TOGARAM1: variants seen among roughly 807,000 people sequenced by gnomAD.
The protein encoded by TOGARAM1 is TOG array regulator of axonemal microtubules 1, also known as TOG array regulator of axonemal microtubules protein 1.
In TOGARAM1, 100 loss-of-function variants were observed where a neutral mutation model predicts 166.6. The ratio of observed to expected loss-of-function variants is 0.60; its 90% CI spans 0.51 to 0.71. The LOEUF (loss-of-function observed/expected upper bound fraction) is 0.71. TOGARAM1 is among the 30% of genes least tolerant of loss of function. The pLI, the probability that TOGARAM1 is intolerant of heterozygous loss-of-function variation, is 0.00. For missense variants in TOGARAM1, 2,029 were observed against 2,102.7 expected (o/e 0.96, Z 0.69); for synonymous variants, 758 against 763.8 (o/e 0.99, Z 0.13).
chr14:45,023,627 C>T (rs1457430833), intron 7 of TOGARAM1, among the ~76,000 whole-genome samples: 1 of 152,170 alleles, frequency 6.6e-6, no homozygotes, highest in Non-Finnish European at 1.5e-5. Context: ...GTGTAAGGAC[C>T]CCTAGAGCTA....
At chr14:45,066,848 G>C (rs1317039146) in intron 17 of TOGARAM1, 81 bp downstream of exon 17, 5 of 1,209,622 alleles carry the variant, frequency 4.1e-6, no homozygotes, top group Non-Finnish European at 5.8e-6. Flanking sequence ...AGCCAAGGTA[G>C]AAGGATCTCT....
At chr14:45,061,698 T>C (rs1050864124) in intron 16 of TOGARAM1, among the ~76,000 whole-genome samples, 9 of 151,746 alleles carry the variant, frequency 5.9e-5, no homozygotes, top group African/African-American at 2.2e-4. Flanking sequence ...TAACTTGTAT[T>C]CCTTGGATTA....
At position 44,963,985 on chromosome 14, in the gene TOGARAM1, A is replaced by T. The variant is rs1381744720; in HGVS notation, c.1564A>T (p.Ser522Cys). ...TGATCTTGCCCCAGCTCTTGTAGATAGCAAACGCAGGGTACGCCAAGCAGC... is the reference window on the plus strand; with the variant it reads ...TGATCTTGCCCCAGCTCTTGTAGATTGCAAACGCAGGGTACGCCAAGCAGC... ...SFDLAPALVD[S>C]KRRVRQAALE... The change falls in exon 1 of 20, where the codon AGC becomes TGC. Residue 522 changes from serine (S) to cysteine (C), a missense_variant. Around this residue, in one of 2 missense-constraint regions of TOGARAM1, gnomAD observed 1,453 missense variants for 1,432.2 expected, o/e 1.01. Transcript: ENST00000361462. 1 of 1,614,234 alleles carries T rather than the reference A, an allele frequency of 6.2e-7. No homozygotes were observed. Among genetic ancestry groups the T allele is most frequent in the Non-Finnish European group, 8.5e-7 (1 of 1,180,048 alleles).
At chr14:44,977,501 G>T (rs1290951834) in intron 1 of TOGARAM1, among the ~76,000 whole-genome samples, 1 of 152,086 alleles carries the variant, frequency 6.6e-6, no homozygotes. Flanking sequence ...CACCCAAAGT[G>T]CTGGGATTAC....
chr14:45,069,648 A>G (rs893046219), intron 18 of TOGARAM1, among the ~76,000 whole-genome samples: 2 of 152,212 alleles, frequency 1.3e-5, no homozygotes, highest in African/African-American at 4.8e-5. Flanking sequence ...CGGGAAATGC[A>G]TATGCAAGTT....
chr14:44,967,988 T>C (rs778472295), intron 1 of TOGARAM1, among the ~76,000 whole-genome samples: 12 of 152,180 alleles, frequency 7.9e-5, no homozygotes, highest in Non-Finnish European at 1.2e-4. Flanking sequence ...TGTCAGTGTA[T>C]ATATTATTAA....
Position 44,972,244 on chromosome 14 carries a change from A to G in TOGARAM1, c.2046+7777A>G, listed in dbSNP as rs1272617042. 2.0e-5 allele frequency among the ~76,000 whole-genome samples: 3 copies of G among 151,920 alleles called. No individual in the cohort carries two copies. The East Asian group carries it at 5.8e-4, about 29-fold the overall frequency. On this transcript the variant is annotated intron_variant, in intron 1 of 19. Transcript: ENST00000361462. ...TGAGAGCAAATATTGTATGATTTCT[A>G]TTCTTTTAAATTTGTTAAAGTGTGT...
intron 16 of TOGARAM1, among the ~76,000 whole-genome samples, chr14:45,055,837 G>T (rs1594698350): frequency 7.0e-6 from 1 of 143,740 alleles, no homozygotes; most frequent in African/African-American, 2.6e-5. Context: ...TTGGCTACTT[G>T]GGCTCTTTTT....
At chr14:44,973,957 T>A (rs1475700653) in intron 1 of TOGARAM1, among the ~76,000 whole-genome samples, 1 of 151,864 alleles carries the variant, frequency 6.6e-6, no homozygotes, top group Admixed American at 6.6e-5. Context: ...TCTTTATTTT[T>A]GATTTTTTGT....
chr14:45,071,875 G>T, intron 19 of TOGARAM1, 77 bp downstream of exon 19: 1 of 1,097,262 alleles, frequency 9.1e-7, no homozygotes, highest in Non-Finnish European at 1.3e-6. Context: ...TTTAATTTTA[G>T]GATAGCTACC....
In TOGARAM1 at chr14:45,073,310, C is replaced by T; in HGVS notation, c.5071C>T (p.Leu1691Phe). 6.2e-7 allele frequency: 1 copy of T among 1,612,308 alleles called. No individual in the cohort carries two copies. Among genetic ancestry groups the T allele is most frequent in the Non-Finnish European group, 8.5e-7 (1 of 1,179,112 alleles). Residue 1691 changes from leucine to phenylalanine, a missense_variant, in exon 20 of 20, where the codon CTT becomes TTT. Leu to Phe is a conservative substitution (Grantham distance 22). Around this residue, in one of 2 missense-constraint regions of TOGARAM1, gnomAD observed 576 missense variants for 670.5 expected, o/e 0.86. Transcript: ENST00000361462. The part of the protein sequence containing the change: ...TEKLADIVTE[L>F]YQRKPHATEQ... ...TTATGTTTCAGATATTGTTACGGAA[C>T]TTTATCAAAGGAAGCCGCATGCCAC...
chr14:44,987,492 G>A (rs1886890934), intron 1 of TOGARAM1, among the ~76,000 whole-genome samples: 1 of 152,194 alleles, frequency 6.6e-6, no homozygotes, highest in African/African-American at 2.4e-5. Flanking sequence ...GCAGCCCACA[G>A]ACACATGAAA....
intron 14 of TOGARAM1, among the ~76,000 whole-genome samples, chr14:45,047,468 A>G (rs1337321414): frequency 6.6e-6 from 1 of 152,094 alleles, no homozygotes; most frequent in African/African-American, 2.4e-5. Context: ...AGATATCTGC[A>G]GTGTGAAAAC....
intron 14 of TOGARAM1, among the ~76,000 whole-genome samples, chr14:45,051,553 CT>C (rs1015760925): frequency 2.6e-3 from 231 of 90,052 alleles, no homozygotes; most frequent in African/African-American, 4.0e-3. Flanking sequence ...CCAACAGATG[CT>C]TTTTTTTTTT....
chr14:45,025,213 A>G (rs995700378), intron 7 of TOGARAM1, among the ~76,000 whole-genome samples: 2 of 152,180 alleles, frequency 1.3e-5, no homozygotes, highest in African/African-American at 4.8e-5. Context: ...CCTGATTATC[A>G]TGCTGTGATA....
chr14:45,018,503 C>G (rs1039534846), intron 7 of TOGARAM1, among the ~76,000 whole-genome samples: 1 of 152,172 alleles, frequency 6.6e-6, no homozygotes, highest in African/African-American at 2.4e-5. Context: ...CTTGGCATCC[C>G]AAAGTGCTGG....
intron 6 of TOGARAM1, among the ~76,000 whole-genome samples, chr14:45,009,880 T>C (rs1879690615): frequency 1.3e-5 from 2 of 152,310 alleles, no homozygotes; most frequent in African/African-American, 4.8e-5. Context: ...AACCTAGTAA[T>C]AGAATTGATA....
At chr14:45,008,537 C>G (rs972979445) in intron 5 of TOGARAM1, among the ~76,000 whole-genome samples, 3 of 152,092 alleles carry the variant, frequency 2.0e-5, no homozygotes, top group Non-Finnish European at 2.9e-5. Context: ...GCTTCTAAGC[C>G]ACATTAGCAC....
intron 13 of TOGARAM1, among the ~76,000 whole-genome samples, chr14:45,045,397 T>C (rs1389566495): frequency 6.6e-6 from 1 of 150,830 alleles, no homozygotes; most frequent in Non-Finnish European, 1.5e-5. Context: ...ACTCATAACT[T>C]AGCTGCCACT....
Sources: gnomAD v4.1 joint callset for allele counts (sites outside exome capture counted in the v4.1 genomes callset) on GRCh38, gnomAD v4.1.1 for gene constraint, gnomAD v4.1.1 regional missense constraint, MANE v1.5 for transcripts, NCBI Gene and HGNC (gene_info 2026-07-23, HGNC 2026-07-21) for gene names.